Variants in SLC24A2 observed in about 807,000 individuals in gnomAD.
SLC24A2 encodes solute carrier family 24 member 2, also known as sodium/potassium/calcium exchanger 2.
In SLC24A2, 36 loss-of-function variants were observed where a neutral mutation model predicts 62.0. That is an observed-to-expected ratio of 0.58 (90% CI 0.44 to 0.77). SLC24A2 has a LOEUF of 0.77. Among genes scored for constraint, SLC24A2 ranks in the 30% least tolerant of loss-of-function variants. SLC24A2 has a pLI of 0.00. For missense variants in SLC24A2, 846 were observed against 817.9 expected (o/e 1.03, Z -0.42); for synonymous variants, 358 against 294.0 (o/e 1.22, Z -2.23).
chr9:19,556,704 G>A (rs1835104021), intron 7 of SLC24A2, among the ~76,000 whole-genome samples: 1 of 152,206 alleles, frequency 6.6e-6, no homozygotes, highest in Non-Finnish European at 1.5e-5. Flanking sequence ...AGTGTGGAAT[G>A]ATGCTGGGTC....
the SLC24A2 span, chr9:19,896,032 G>C: frequency 1.4e-6 from 2 of 1,394,962 alleles, no homozygotes; most frequent in East Asian, 2.3e-5. Context: ...GCCACAGCAG[G>C]TCCCCTTGCC....
chr9:19,727,925 G>T (rs138534324), intron 2 of SLC24A2, among the ~76,000 whole-genome samples: 1 of 152,298 alleles, frequency 6.6e-6, no homozygotes, highest in Non-Finnish European at 1.5e-5. Context: ...ATCCCTAAAA[G>T]TTCATTAAAG....
At chr9:19,630,335 A>G (rs1295814601) in intron 2 of SLC24A2, among the ~76,000 whole-genome samples, 1 of 152,212 alleles carries the variant, frequency 6.6e-6, no homozygotes, top group Non-Finnish European at 1.5e-5. Flanking sequence ...GATATTTAAA[A>G]TGCATTTTAA....
chr9:20,235,222 G>T, the SLC24A2 span, among the ~76,000 whole-genome samples: 2 of 152,228 alleles, frequency 1.3e-5, no homozygotes, highest in African/African-American at 4.8e-5. Context: ...CTCCAGCTGC[G>T]TACTGGGAGA....
In SLC24A2 at chr9:19,532,827, A is replaced by G. The variant is rs946847331; in HGVS notation, c.1480-4689T>C. Among the ~76,000 whole-genome samples, 15 of 152,300 alleles carry G rather than the reference A, an allele frequency of 9.8e-5. 1 individual carries two copies. Among genetic ancestry groups the G allele is most frequent in the African/African-American group, 3.4e-4 (14 of 41,574 alleles). On this transcript the variant is annotated intron_variant, in intron 8 of 10. Coordinates refer to ENST00000341998, the MANE Select transcript of SLC24A2 (RefSeq NM_020344.4). ...ATTGCAAACATCTAGCTGGGTTCTC[A>G]GGTTCCTTCCTAGTTCTAATGGGTC...
In SLC24A2 at chr9:19,659,624, T is replaced by C. The variant is rs537437430; in HGVS notation, c.931-37325A>G. Among the ~76,000 whole-genome samples the C allele has an allele frequency of 1.5e-4, 23 of 152,252 alleles. No individual in the cohort carries two copies. In the South Asian group the frequency reaches 2.5e-3, roughly 16 times the overall value. On this transcript the variant is annotated intron_variant, in intron 2 of 10. Transcript: ENST00000341998. ...ATGGGTAAAACTTACATAGTGCTTA[T>C]ATTAACTCCCTTAGTGCCATTTAAC...
At chr9:20,026,852 T>C in the SLC24A2 span, among the ~76,000 whole-genome samples, 25 of 152,260 alleles carry the variant, frequency 1.6e-4, no homozygotes, top group African/African-American at 6.0e-4. Flanking sequence ...AAAAAGCTTC[T>C]GCACAGCAAA....
the SLC24A2 span, among the ~76,000 whole-genome samples, chr9:20,044,687 G>T: frequency 6.6e-6 from 1 of 152,208 alleles, no homozygotes; most frequent in South Asian, 2.1e-4. Flanking sequence ...GAGCTATAAA[G>T]CTCCAAAGAA....
the SLC24A2 span, among the ~76,000 whole-genome samples, chr9:20,255,531 G>A: frequency 1.3e-5 from 2 of 152,182 alleles, no homozygotes; most frequent in Admixed American, 6.5e-5. Flanking sequence ...GAGGCAGGAG[G>A]ATCCACTTCC....
At chr9:19,609,375 A>T (rs1587031043) in intron 4 of SLC24A2, among the ~76,000 whole-genome samples, 1 of 152,082 alleles carries the variant, frequency 6.6e-6, no homozygotes. Flanking sequence ...CTCAGAGGAG[A>T]CCCCGGTGGC....
chr9:19,918,149 T>C, the SLC24A2 span, among the ~76,000 whole-genome samples: 2 of 151,516 alleles, frequency 1.3e-5, no homozygotes, highest in South Asian at 2.1e-4. Flanking sequence ...TATGTGTGTG[T>C]GTGTGTGTGT....
In SLC24A2 at chr9:19,509,714, T is replaced by C. The variant is rs1290785491; in HGVS notation, c.*6439A>G. ...ATTCAGGATTTCAGACTTTTTTTACTTTTCTGTTTTTTATGACATGATTTT... is the reference window on the plus strand; with the variant it reads ...ATTCAGGATTTCAGACTTTTTTTACCTTTCTGTTTTTTATGACATGATTTT... On this transcript the variant is annotated 3_prime_UTR_variant, in exon 11 of 11. Coordinates refer to ENST00000341998, the MANE Select transcript of SLC24A2 (RefSeq NM_020344.4). The C allele has an allele frequency of 6.6e-6, 1 of 152,226 alleles. No homozygotes were observed. The highest frequency in any genetic ancestry group is 1.5e-5 in the Non-Finnish European group (1 of 68,038). The allele number at this position is 152,226 out of a possible 1,614,324, so 9.4% of individuals were successfully genotyped here. A position where few individuals can be genotyped will look rare whatever the true frequency, so the allele number is the denominator to read the frequency against.
the SLC24A2 span, among the ~76,000 whole-genome samples, chr9:20,104,313 G>C: frequency 1.8e-4 from 28 of 152,304 alleles, no homozygotes; most frequent in Middle Eastern, 3.4e-3. Context: ...AATCTAGCAA[G>C]GCAGGCCAAC....
chr9:19,566,015 G>C (rs797003244), intron 7 of SLC24A2, among the ~76,000 whole-genome samples: 7 of 152,006 alleles, frequency 4.6e-5, no homozygotes, highest in Admixed American at 2.0e-4. Flanking sequence ...AAAAACCCTG[G>C]AAGAAAACCT....
At chr9:19,874,747 C>T in the SLC24A2 span, among the ~76,000 whole-genome samples, 1 of 152,150 alleles carries the variant, frequency 6.6e-6, no homozygotes, top group East Asian at 1.9e-4. Context: ...CTGAGGTCAG[C>T]TTTGTCTGCG....
chr9:20,147,608 C>A, the SLC24A2 span, among the ~76,000 whole-genome samples: 5 of 152,106 alleles, frequency 3.3e-5, no homozygotes, highest in Non-Finnish European at 5.9e-5. Flanking sequence ...AGGCTTCAAC[C>A]CTTAACCTGA....
the SLC24A2 span, among the ~76,000 whole-genome samples, chr9:19,983,889 C>T: frequency 2.0e-5 from 3 of 152,044 alleles, no homozygotes; most frequent in Non-Finnish European, 4.4e-5. Context: ...AAAGACATTC[C>T]ATGTTCATGA....
chr9:19,543,215 T>C (rs1834368445), intron 8 of SLC24A2, among the ~76,000 whole-genome samples: 1 of 152,356 alleles, frequency 6.6e-6, no homozygotes, highest in African/African-American at 2.4e-5. Context: ...TTTATTTGCA[T>C]AGAGGTGTTT....
the SLC24A2 span, among the ~76,000 whole-genome samples, chr9:20,016,429 A>C: frequency 6.6e-6 from 1 of 152,190 alleles, no homozygotes; most frequent in Non-Finnish European, 1.5e-5. Flanking sequence ...CATTGGTAAA[A>C]TGTTCTATAT....
Sources: allele counts gnomAD v4.1 joint callset (sites outside exome capture counted in the v4.1 genomes callset), GRCh38; gene constraint gnomAD v4.1.1; transcripts MANE v1.5; gene names NCBI Gene and HGNC (gene_info 2026-07-23, HGNC 2026-07-21).